LIN9: variants seen among roughly 807,000 people sequenced by gnomAD.
The protein encoded by LIN9 is protein lin-9 homolog.
A neutral mutation model predicts 78.0 loss-of-function variants in LIN9; 18 were observed. The ratio of observed to expected loss-of-function variants is 0.23; its 90% CI spans 0.16 to 0.34. The LOEUF (loss-of-function observed/expected upper bound fraction) is 0.34, where lower values mean the gene tolerates loss of function less well. LIN9 is among the 10% of genes least tolerant of loss of function. The probability of loss-of-function intolerance (pLI) is 1.00; values close to 1 mark genes in which losing one functional copy is unlikely to be tolerated. For missense variants in LIN9, 451 were observed against 644.1 expected, an observed-to-expected ratio of 0.70 and a Z score of 3.25; for synonymous variants, 192 against 215.2, an observed-to-expected ratio of 0.89 and a Z score of 0.94.
intron 11 of LIN9, among the ~76,000 whole-genome samples, chr1:226,246,306 T>C (rs570261935): frequency 2.0e-4 from 30 of 152,276 alleles, no homozygotes; most frequent in South Asian, 8.3e-4. Context: ...TCTAGGTTGG[T>C]AGTTATTTTG....
rs779460441 is a variant in LIN9, at chr1:226,250,800, T to C, written c.1119+39A>G. On this transcript the variant is annotated intron_variant, in intron 11 of 14. Transcript: ENST00000681046. ...ATAGATGGTCTCACTATTTTAAAAT[T>C]AGACAAGCAAATGAAGAAAAAAAAA... 1.2e-5 allele frequency: 13 copies of C among 1,058,058 alleles called. No individual in the cohort carries two copies. The Middle Eastern group carries it at 8.1e-4, about 66-fold the overall frequency. 65.5% of individuals were successfully genotyped at this position (1,058,058 alleles called of 1,614,324 possible). A position where few individuals can be genotyped will look rare whatever the true frequency, so the allele number is the denominator to read the frequency against.
intron 10 of LIN9, among the ~76,000 whole-genome samples, chr1:226,253,461 T>G (rs576084879): frequency 6.6e-6 from 1 of 151,408 alleles, no homozygotes; most frequent in African/African-American, 2.4e-5. Flanking sequence ...GCCTGGATAA[T>G]TTTTGTATTT....
chr1:226,268,176 C>G, intron 7 of LIN9, 86 bp from the exon 8 acceptor site: 1 of 1,309,478 alleles, frequency 7.6e-7, no homozygotes, highest in Non-Finnish European at 1.1e-6. Flanking sequence ...TAATTTAAAT[C>G]ATAGTACAGT....
intron 4 of LIN9, among the ~76,000 whole-genome samples, chr1:226,288,158 G>T (rs1488017607): frequency 1.3e-5 from 2 of 152,122 alleles, no homozygotes; most frequent in Non-Finnish European, 2.9e-5. Context: ...TTTTAGTAGA[G>T]ATGGGGTTTC....
At chr1:226,271,437 G>C (rs1660271026) in intron 7 of LIN9, among the ~76,000 whole-genome samples, 1 of 152,044 alleles carries the variant, frequency 6.6e-6, no homozygotes, top group Admixed American at 6.5e-5. Flanking sequence ...ATTCTATTGT[G>C]GTCAGAGAAA....
chr1:226,258,732 T>C (rs2102888893), intron 10 of LIN9, among the ~76,000 whole-genome samples: 1 of 149,962 alleles, frequency 6.7e-6, no homozygotes, highest in South Asian at 2.1e-4. Flanking sequence ...CTACTAAAAA[T>C]ACAAAAAAAT....
intron 12 of LIN9, 48 bp from the exon 13 acceptor site, chr1:226,233,571 AT>A (rs764341766): frequency 2.1e-6 from 3 of 1,452,576 alleles, no homozygotes; most frequent in Non-Finnish European, 2.8e-6. Flanking sequence ...AGAAGCCATG[AT>A]TATTTCTGTA....
At chr1:226,269,616 T>C (rs1660137279) in intron 7 of LIN9, among the ~76,000 whole-genome samples, 1 of 152,140 alleles carries the variant, frequency 6.6e-6, no homozygotes, top group South Asian at 2.1e-4. Flanking sequence ...TCAGGGTTGG[T>C]CACGAAAACC....
chr1:226,238,914 G>A (rs1657917316), intron 12 of LIN9, 57 bp downstream of exon 12: 6 of 1,548,710 alleles, frequency 3.9e-6, no homozygotes, highest in East Asian at 2.3e-5. Flanking sequence ...AAGTGTGAAA[G>A]TAAAAGGATT....
At chr1:226,283,278 A>ATTTTTTTT (rs71574569) in intron 6 of LIN9, among the ~76,000 whole-genome samples, 8 of 84,212 alleles carry the variant, frequency 9.5e-5, no homozygotes, top group Admixed American at 1.6e-4. Context: ...TAATTTTTGA[A>ATTTTTTTT]TTTTTTTTTT....
chr1:226,254,910 CAAAAAA>C, intron 10 of LIN9, among the ~76,000 whole-genome samples: 2 of 50,714 alleles, frequency 3.9e-5, no homozygotes, highest in East Asian at 1.2e-3. Flanking sequence ...GACTCTGTCT[CAAAAAA>C]AAAAAAAAAA....
intron 5 of LIN9, among the ~76,000 whole-genome samples, chr1:226,286,728 G>A (rs750315324): frequency 9.9e-5 from 15 of 152,154 alleles, no homozygotes; most frequent in Admixed American, 2.0e-4. Context: ...GGAGGCTATC[G>A]TGGCCCTGGC....
In LIN9 at chr1:226,266,164, A is replaced by G. The variant is rs2102909936; in HGVS notation, c.936+49T>C. ...TGTGTATTTCTTAAGAACATAGTTC[A>G]CCTTCATAAAAATCAATTAAATTAT... On this transcript the variant is annotated intron_variant, in intron 9 of 14. Transcript: ENST00000681046. 5 of 1,325,134 alleles carry G rather than the reference A, an allele frequency of 3.8e-6. No individual in the cohort carries two copies. The Middle Eastern group carries it at 7.9e-4, about 209-fold the overall frequency. The allele number at this position is 1,325,134 out of a possible 1,614,324, so 82.1% of individuals were successfully genotyped here. A position where few individuals can be genotyped will look rare whatever the true frequency, so the allele number is the denominator to read the frequency against.
chr1:226,300,839 G>A (rs1450902408), intron 2 of LIN9, among the ~76,000 whole-genome samples: 1 of 152,158 alleles, frequency 6.6e-6, no homozygotes, highest in Non-Finnish European at 1.5e-5. Context: ...CTGGGCAACA[G>A]AGAGAGACTG....
At chr1:226,244,820 G>A (rs2889537) in intron 11 of LIN9, among the ~76,000 whole-genome samples, 106,463 of 152,100 alleles carry the variant, frequency 0.7, 37,399 homozygotes, top group East Asian at 0.73. Context: ...TTTCTGGCCC[G>A]TCAGTATGGC....
intron 1 of LIN9, among the ~76,000 whole-genome samples, chr1:226,306,428 G>C (rs1302815919): frequency 4.6e-5 from 7 of 152,214 alleles, no homozygotes. Context: ...ATCACTAGAA[G>C]TATCTGTCCT....
At chr1:226,247,784 G>C (rs574871545) in intron 11 of LIN9, among the ~76,000 whole-genome samples, 1 of 150,976 alleles carries the variant, frequency 6.6e-6, no homozygotes, top group East Asian at 1.9e-4. Flanking sequence ...CGACTCTCCT[G>C]CCTCAGCCTC....
chr1:226,276,258 A>G (rs1481488481), intron 7 of LIN9, among the ~76,000 whole-genome samples: 1 of 152,206 alleles, frequency 6.6e-6, no homozygotes, highest in Non-Finnish European at 1.5e-5. Context: ...TCACGTCAGC[A>G]TTTCTCTGGC....
At chr1:226,282,945 C>G (rs1437156258) in intron 6 of LIN9, among the ~76,000 whole-genome samples, 1 of 152,152 alleles carries the variant, frequency 6.6e-6, no homozygotes, top group African/African-American at 2.4e-5. Context: ...CCTTTCCTAT[C>G]AATTACCTGT....
Sources: gnomAD v4.1 joint callset for allele counts (sites outside exome capture counted in the v4.1 genomes callset) on GRCh38, gnomAD v4.1.1 for gene constraint, MANE v1.5 for transcripts, NCBI Gene and HGNC (gene_info 2026-07-23, HGNC 2026-07-21) for gene names.